Variants in CPEB1 observed in about 807,000 individuals in gnomAD.
The protein encoded by CPEB1 is cytoplasmic polyadenylation element-binding protein 1.
In CPEB1, 7 loss-of-function variants were observed where a neutral mutation model predicts 65.8. That is an observed-to-expected ratio of 0.11 (90% confidence interval 0.06 to 0.20). The LOEUF is 0.20. Among genes scored for constraint, CPEB1 ranks in the 10% least tolerant of loss-of-function variants. The pLI, the probability that CPEB1 is intolerant of heterozygous loss-of-function variation, is 1.00. For synonymous variants in CPEB1, 262 were observed against 260.0 expected (o/e 1.01, Z -0.08); for missense variants, 551 against 712.2 (o/e 0.77, Z 2.58).
At chr15:82,609,001 A>G (rs906260534) in intron 3 of CPEB1, among the ~76,000 whole-genome samples, 1 of 152,236 alleles carries the variant, frequency 6.6e-6, no homozygotes, top group African/African-American at 2.4e-5. Flanking sequence ...ACATTCTGCA[A>G]CCACAAAAGA....
At chr15:82,646,629 G>T (rs1007588666) in intron 1 of CPEB1, among the ~76,000 whole-genome samples, 2 of 152,058 alleles carry the variant, frequency 1.3e-5, no homozygotes, top group Non-Finnish European at 2.9e-5. Flanking sequence ...CCACGAAAGC[G>T]CCCAAGAGCC....
At position 82,547,155 on chromosome 15, in the gene CPEB1, C is replaced by G; in HGVS notation, c.1563G>C (p.Lys521Asn). 1 of 1,612,266 alleles carries G rather than the reference C, an allele frequency of 6.2e-7. No individual in the cohort carries two copies. Among genetic ancestry groups the G allele is most frequent in the Non-Finnish European group, 8.5e-7 (1 of 1,178,522 alleles). Residue 521 changes from lysine to asparagine, a missense_variant, in exon 11 of 13, where the codon AAG becomes AAC. Lys to Asn is a moderately conservative substitution (Grantham distance 94). Transcript: ENST00000684509. Reference sequence around the variant, plus strand: ...CCAGCCAACTCACCTTCTTTGTGAACTTGGTGGTTTTGATCTCCACAAAAG... The same window carrying G: ...CCAGCCAACTCACCTTCTTTGTGAAGTTGGTGGTTTTGATCTCCACAAAAG... Reference protein sequence around the residue: ...SAAFVEIKTTKFTKKVQIDPY... With the variant: ...SAAFVEIKTTNFTKKVQIDPY...
chr15:82,604,121 G>T (rs73439148), intron 3 of CPEB1, among the ~76,000 whole-genome samples: 3,380 of 152,278 alleles, frequency 0.022, 113 homozygotes, highest in African/African-American at 0.078. Flanking sequence ...GGCCCAGAAC[G>T]AAGGATCACT....
chr15:82,601,956 T>TC (rs1258936280), intron 3 of CPEB1, among the ~76,000 whole-genome samples: 1 of 152,008 alleles, frequency 6.6e-6, no homozygotes, highest in East Asian at 1.9e-4. Flanking sequence ...AAGCATATAT[T>TC]CCCCCTGCAA....
intron 1 of CPEB1, chr15:82,629,776 GCCC>G (rs2046085394): frequency 1.0e-6 from 1 of 985,308 alleles, no homozygotes; most frequent in Non-Finnish European, 1.2e-6. Context: ...ACAAGAAGAG[GCCC>G]AATGTCATTT....
upstream of CPEB1, chr15:82,648,252 T>A: frequency 4.7e-6 from 1 of 210,974 alleles, no homozygotes; most frequent in Non-Finnish European, 9.4e-6. Context: ...CTGTCTGCCC[T>A]GGGCCTCAGT....
intron 3 of CPEB1, among the ~76,000 whole-genome samples, chr15:82,584,132 G>A (rs1412980126): frequency 2.0e-5 from 3 of 151,946 alleles, no homozygotes; most frequent in African/African-American, 4.8e-5. Flanking sequence ...GGCGGTGGGC[G>A]CCTGCAGTCC....
At chr15:82,638,402 G>A (rs1479321392) in intron 1 of CPEB1, among the ~76,000 whole-genome samples, 1 of 152,154 alleles carries the variant, frequency 6.6e-6, no homozygotes, top group Admixed American at 6.6e-5. Flanking sequence ...ATAGTAAATA[G>A]TACCACCAAT....
At chr15:82,647,767 A>G, upstream of CPEB1, 2 of 1,132,092 alleles carry the variant, frequency 1.8e-6, no homozygotes, top group Non-Finnish European at 1.1e-6. Context: ...GGATGGGGGT[A>G]CCGCGGCGCC....
At chr15:82,647,620 G>A (rs587616812), upstream of CPEB1, 1 of 335,870 alleles carries the variant, frequency 3.0e-6, no homozygotes, top group Non-Finnish European at 5.3e-6. Flanking sequence ...CCCCCGCAGG[G>A]CTGCGGCGCC....
chr15:82,568,731 A>T lies in CPEB1; in HGVS notation c.460+2613T>A, dbSNP rs983724122. Among the ~76,000 whole-genome samples, 3 of 152,198 alleles carry T rather than the reference A, an allele frequency of 2.0e-5. No individual in the cohort carries two copies. In the East Asian group the frequency reaches 5.8e-4, roughly 29 times the overall value. On this transcript the variant is annotated intron_variant, in intron 4 of 12. Coordinates refer to ENST00000684509, the MANE Select transcript of CPEB1 (RefSeq NM_001365242.1). ...AAAATGAAAGCCCCTATCATAGCAG[A>T]TGCAGCACTCGGTATACCTCCTCAT...
At chr15:82,549,996 G>C (rs1265721909) in intron 9 of CPEB1, among the ~76,000 whole-genome samples, 1 of 152,164 alleles carries the variant, frequency 6.6e-6, no homozygotes, top group African/African-American at 2.4e-5. Context: ...CCAACAAAGG[G>C]CTGTGGACAC....
chr15:82,605,059 C>G (rs543682651), intron 3 of CPEB1, among the ~76,000 whole-genome samples: 1 of 152,056 alleles, frequency 6.6e-6, no homozygotes, highest in African/African-American at 2.4e-5. Context: ...GATTTCTTAC[C>G]AGAAATTGTG....
intron 6 of CPEB1, among the ~76,000 whole-genome samples, chr15:82,554,834 A>C (rs2036906787): frequency 6.6e-6 from 1 of 152,270 alleles, no homozygotes; most frequent in Non-Finnish European, 1.5e-5. Flanking sequence ...GAAACTGGGC[A>C]ATGTCAGCAA....
chr15:82,648,307 C>G (rs1159902855), upstream of CPEB1: 4 of 160,784 alleles, frequency 2.5e-5, no homozygotes, highest in African/African-American at 9.6e-5. Context: ...CCCCTGCGAG[C>G]GGCGGCGATC....
chr15:82,544,490 TTGGGAA>T lies in CPEB1; in HGVS notation c.*96_*101del. On this transcript the variant is annotated 3_prime_UTR_variant, in exon 13 of 13. Transcript: ENST00000684509. ...AGGTGACTACAATTTTCCCTTGTCC[TTGGGAA>T]GCCAGCTCCCTGGTCGCCAGTGGCA... 1.3e-6 allele frequency: 1 copy of T among 774,362 alleles called. No homozygotes were observed. The highest frequency in any genetic ancestry group is 2.6e-5 in the East Asian group (1 of 39,202). 48.0% of individuals were successfully genotyped at this position (774,362 alleles called of 1,614,324 possible).
intron 3 of CPEB1, among the ~76,000 whole-genome samples, chr15:82,605,994 C>T (rs765021253): frequency 2.0e-5 from 3 of 151,872 alleles, no homozygotes; most frequent in Admixed American, 1.3e-4. Flanking sequence ...GGCGAGATCG[C>T]GCCATTGTAC....
intron 4 of CPEB1, among the ~76,000 whole-genome samples, chr15:82,560,563 T>A (rs1470572858): frequency 1.3e-5 from 2 of 152,032 alleles, no homozygotes; most frequent in Admixed American, 6.6e-5. Context: ...CTGGCTGATT[T>A]AAAAAAAATT....
Position 82,553,178 on chromosome 15 carries a change from G to C in CPEB1, c.1144+289C>G, listed in dbSNP as rs534057223. On this transcript the variant is annotated intron_variant, in intron 8 of 12. Coordinates refer to ENST00000684509, the MANE Select transcript of CPEB1 (RefSeq NM_001365242.1). ...CTTTTCAAACGCCTTATTTTGAGAG[G>C]AAAGGTGCTGCTTGGGTTCAGGTTT... Among the ~76,000 whole-genome samples the C allele has an allele frequency of 2.6e-5, 4 of 152,316 alleles. No individual in the cohort carries two copies. The South Asian group carries it at 6.2e-4, about 24-fold the overall frequency.
Sources: gnomAD v4.1 joint callset for allele counts (sites outside exome capture counted in the v4.1 genomes callset) on GRCh38, gnomAD v4.1.1 for gene constraint, MANE v1.5 for transcripts, NCBI Gene and HGNC (gene_info 2026-07-23, HGNC 2026-07-21) for gene names.